ANO10: variants seen among roughly 807,000 people sequenced by gnomAD.
ANO10 encodes anoctamin-10.
Under a neutral mutation model 74.7 loss-of-function variants are expected in ANO10, and 77 were observed. The ratio of observed to expected loss-of-function variants is 1.03; its 90% CI spans 0.86 to 1.25. The LOEUF (loss-of-function observed/expected upper bound fraction) is 1.25. Among genes scored for constraint, ANO10 ranks in the 50% most tolerant of loss-of-function variants. The pLI is 0.00. For synonymous variants in ANO10, 279 were observed against 284.9 expected (o/e 0.98, Z 0.21); for missense variants, 721 against 778.1 (o/e 0.93, Z 0.87).
intron 12 of ANO10, among the ~76,000 whole-genome samples, chr3:43,404,493 G>A (rs555025170): frequency 6.6e-6 from 1 of 152,274 alleles, no homozygotes; most frequent in East Asian, 1.9e-4. Context: ...CAGTTAAGCT[G>A]TGTTGGAACT....
At chr3:43,636,089 T>A (rs1420943616) in intron 1 of ANO10, among the ~76,000 whole-genome samples, 3 of 151,986 alleles carry the variant, frequency 2.0e-5, no homozygotes, top group Non-Finnish European at 4.4e-5. Flanking sequence ...AAGCAGACCC[T>A]GAAACAAAGA....
chr3:43,468,126 T>C (rs2075703864), intron 11 of ANO10, among the ~76,000 whole-genome samples: 1 of 152,240 alleles, frequency 6.6e-6, no homozygotes. Flanking sequence ...ACTTTCCTGC[T>C]TTGGCCATAA....
chr3:43,661,614 T>C (rs972929887), intron 1 of ANO10, among the ~76,000 whole-genome samples: 6 of 151,982 alleles, frequency 3.9e-5, no homozygotes, highest in Non-Finnish European at 7.4e-5. Flanking sequence ...GACTGGCAAA[T>C]TGGATAAAGA....
At chr3:43,413,947 A>T (rs970434668) in intron 12 of ANO10, among the ~76,000 whole-genome samples, 1 of 151,864 alleles carries the variant, frequency 6.6e-6, no homozygotes, top group African/African-American at 2.4e-5. Flanking sequence ...TTCATGAGAG[A>T]AGTCATCCTC....
chr3:43,428,122 T>G (rs566295775), intron 12 of ANO10, among the ~76,000 whole-genome samples: 14 of 152,092 alleles, frequency 9.2e-5, no homozygotes, highest in African/African-American at 3.4e-4. Flanking sequence ...TGATCTTGGC[T>G]CACTGCAACC....
intron 12 of ANO10, among the ~76,000 whole-genome samples, chr3:43,421,136 T>C (rs1349597188): frequency 1.3e-5 from 2 of 151,976 alleles, no homozygotes; most frequent in South Asian, 2.1e-4. Context: ...GGTGGGAGAA[T>C]TGCTTGAACC....
At chr3:43,583,327 C>T (rs1027246777) in intron 4 of ANO10, among the ~76,000 whole-genome samples, 3 of 151,934 alleles carry the variant, frequency 2.0e-5, no homozygotes, top group Non-Finnish European at 4.4e-5. Flanking sequence ...AACCATGATG[C>T]CATGTGGGCC....
chr3:43,578,198 A>G (rs774380892), intron 5 of ANO10, among the ~76,000 whole-genome samples: 34 of 152,218 alleles, frequency 2.2e-4, no homozygotes, highest in Non-Finnish European at 4.6e-4. Context: ...CTAACCCAAG[A>G]GCAAATGAAA....
chr3:43,504,259 T>C (rs137899508), intron 11 of ANO10, among the ~76,000 whole-genome samples: 90 of 150,412 alleles, frequency 6.0e-4, no homozygotes, highest in African/African-American at 2.1e-3. Flanking sequence ...CAAGTAAAAC[T>C]CCGCCTCAAA....
Position 43,370,075 on chromosome 3 carries a change from C to T in ANO10, c.1915-3101G>A, listed in dbSNP as rs540370222. Among the ~76,000 whole-genome samples the T allele has an allele frequency of 4.8e-4, 73 of 152,288 alleles. 1 individual carries two copies. Among genetic ancestry groups the T allele is most frequent in the Middle Eastern group, 3.4e-3 (1 of 294 alleles). ...CATGCGACGTACAACAGGAATATCCCATTTGTTTTCCAGGAGGGCTGTCCT... is the reference window on the plus strand; with the variant it reads ...CATGCGACGTACAACAGGAATATCCTATTTGTTTTCCAGGAGGGCTGTCCT... On this transcript the variant is annotated intron_variant, in intron 12 of 12. Transcript: ENST00000292246.
chr3:43,463,034 G>A (rs77437677), intron 11 of ANO10, among the ~76,000 whole-genome samples: 3,600 of 152,330 alleles, frequency 0.024, 145 homozygotes, highest in African/African-American at 0.081. Context: ...GCAGAAGTTT[G>A]CTGCAGGGGC....
intron 1 of ANO10, among the ~76,000 whole-genome samples, chr3:43,683,159 C>T (rs1387037657): frequency 6.6e-6 from 1 of 152,186 alleles, no homozygotes; most frequent in East Asian, 1.9e-4. Context: ...TTGCAGATGA[C>T]ATGATTGTAT....
chr3:43,643,678 C>CTTTTTTTTTTTTT (rs1310556861), intron 1 of ANO10, among the ~76,000 whole-genome samples: 5 of 133,626 alleles, frequency 3.7e-5, no homozygotes, highest in African/African-American at 1.6e-4. Flanking sequence ...TTGTCCTCAT[C>CTTTTTTTTTTTTT]TTTTCTTTTT....
chr3:43,599,633 C>T (rs971834840), intron 3 of ANO10, among the ~76,000 whole-genome samples: 6 of 152,072 alleles, frequency 3.9e-5, no homozygotes, highest in Admixed American at 6.5e-5. Context: ...TGGCCAGGCG[C>T]GGTGGCTCAT....
intron 4 of ANO10, among the ~76,000 whole-genome samples, chr3:43,592,650 C>A (rs992369223): frequency 3.3e-5 from 5 of 152,172 alleles, no homozygotes; most frequent in African/African-American, 1.2e-4. Flanking sequence ...TGGAGAGAAA[C>A]CAGAGCAGAA....
intron 1 of ANO10, among the ~76,000 whole-genome samples, chr3:43,652,116 C>CTT (rs201295611): frequency 2.7e-4 from 39 of 142,094 alleles, no homozygotes; most frequent in Admixed American, 2.1e-3. Flanking sequence ...TCTTGGCCGC[C>CTT]TTTTTTTTTT....
At chr3:43,455,594 C>T (rs1297668243) in intron 11 of ANO10, among the ~76,000 whole-genome samples, 1 of 152,146 alleles carries the variant, frequency 6.6e-6, no homozygotes, top group Non-Finnish European at 1.5e-5. Flanking sequence ...GGCAGTCTTC[C>T]ATCTCACAGA....
chr3:43,564,065 G>C (rs1457517869), intron 8 of ANO10, among the ~76,000 whole-genome samples: 2 of 150,300 alleles, frequency 1.3e-5, no homozygotes, highest in Admixed American at 6.6e-5. Context: ...TTTTTTTTGA[G>C]ACACGGTCTC....
At chr3:43,587,157 T>C (rs1232248815) in intron 4 of ANO10, among the ~76,000 whole-genome samples, 3 of 152,068 alleles carry the variant, frequency 2.0e-5, no homozygotes, top group African/African-American at 7.2e-5. Context: ...TAACTGGAAA[T>C]GCAGACAAAT....
Sources: allele counts gnomAD v4.1 joint callset (sites outside exome capture counted in the v4.1 genomes callset), GRCh38; gene constraint gnomAD v4.1.1; transcripts MANE v1.5; gene names NCBI Gene and HGNC (gene_info 2026-07-23, HGNC 2026-07-21).